The following SRP54 variants were observed in gnomAD, a reference collection of about 807,000 sequenced individuals.
SRP54 encodes the protein signal recognition particle 54.
A neutral mutation model predicts 64.8 loss-of-function variants in SRP54; 10 were observed. The ratio of observed to expected loss-of-function variants is 0.15; its 90% CI spans 0.10 to 0.26. The LOEUF is 0.26. Among genes scored for constraint, SRP54 ranks in the 10% least tolerant of loss-of-function variants. SRP54 has a pLI of 1.00. For missense variants in SRP54, 325 were observed against 613.7 expected, an observed-to-expected ratio of 0.53 and a Z score of 4.97; for synonymous variants, 193 against 185.6, an observed-to-expected ratio of 1.04 and a Z score of -0.32.
At chr14:35,025,551 A>G (rs1219380772) in intron 14 of SRP54, among the ~76,000 whole-genome samples, 1 of 152,198 alleles carries the variant, frequency 6.6e-6, no homozygotes, top group Non-Finnish European at 1.5e-5. Flanking sequence ...TTATCTATGC[A>G]TTGATCCCTC....
At chr14:35,004,343 G>A (rs927574969) in intron 4 of SRP54, among the ~76,000 whole-genome samples, 2 of 152,184 alleles carry the variant, frequency 1.3e-5, no homozygotes, top group African/African-American at 4.8e-5. Context: ...GGTCAGTATT[G>A]ATATTAATGA....
At chr14:35,017,199 C>T (rs2044457974) in intron 11 of SRP54, among the ~76,000 whole-genome samples, 1 of 152,170 alleles carries the variant, frequency 6.6e-6, no homozygotes, top group Admixed American at 6.5e-5. Flanking sequence ...ACTGTTTCTG[C>T]TACCACTATG....
Position 34,993,604 on chromosome 14 carries a change from T to C in SRP54, c.-33-3073T>C, listed in dbSNP as rs543961420. 3.0e-3 allele frequency among the ~76,000 whole-genome samples: 458 copies of C among 152,292 alleles called. 3 individuals are homozygous for C. Among genetic ancestry groups the C allele is most frequent in the African/African-American group, 0.011 (442 of 41,562 alleles). ...GGTCCTCAAATGCATTTTCCCTTCC[T>C]GCCTTTTTATGATTCCTCTCACCTC... is the stretch of plus-strand genomic sequence containing the variant. On this transcript the variant is annotated intron_variant, in intron 1 of 15. Coordinates refer to ENST00000216774, the MANE Select transcript of SRP54 (RefSeq NM_003136.4).
chr14:34,999,986 T>C (rs187517473), intron 3 of SRP54: 45 of 161,160 alleles, frequency 2.8e-4, no homozygotes, highest in Admixed American at 7.5e-4. Context: ...ACTGCCATTT[T>C]ATTCTTTTTA....
chr14:35,020,185 A>T (rs1175924800), intron 13 of SRP54, among the ~76,000 whole-genome samples: 1 of 119,308 alleles, frequency 8.4e-6, no homozygotes, highest in African/African-American at 2.8e-5. Flanking sequence ...ACTCTGTCTC[A>T]AAAGAAAAAA....
At chr14:34,995,565 CTTGT>C (rs970435627) in intron 1 of SRP54, among the ~76,000 whole-genome samples, 38 of 152,178 alleles carry the variant, frequency 2.5e-4, no homozygotes, top group African/African-American at 8.7e-4. Flanking sequence ...ATCATATTTG[CTTGT>C]TTATCATCCA....
At chr14:35,015,325 C>G (rs185379271) in intron 11 of SRP54, among the ~76,000 whole-genome samples, 105 of 152,322 alleles carry the variant, frequency 6.9e-4, no homozygotes, top group African/African-American at 2.5e-3. Flanking sequence ...ATCCACCCAC[C>G]TCAGCCTCCC....
At chr14:34,986,827 C>T (rs1005418703) in intron 1 of SRP54, among the ~76,000 whole-genome samples, 143 of 151,012 alleles carry the variant, frequency 9.5e-4, no homozygotes, top group African/African-American at 3.1e-3. Context: ...TGCAGTGAGC[C>T]GAGATTGTGC....
At chr14:34,987,748 A>G (rs1354233183) in intron 1 of SRP54, among the ~76,000 whole-genome samples, 1 of 152,174 alleles carries the variant, frequency 6.6e-6, no homozygotes, top group African/African-American at 2.4e-5. Flanking sequence ...CCATTCATGT[A>G]CAAGTATTTG....
intron 15 of SRP54, among the ~76,000 whole-genome samples, chr14:35,028,493 C>G (rs2044670473): frequency 6.6e-6 from 1 of 152,092 alleles, no homozygotes; most frequent in African/African-American, 2.4e-5. Context: ...GATTTTTAAC[C>G]TGAGTTCTAC....
chr14:35,020,109 C>T (rs911278933), intron 13 of SRP54, among the ~76,000 whole-genome samples: 3 of 152,092 alleles, frequency 2.0e-5, no homozygotes, highest in South Asian at 2.1e-4. Flanking sequence ...CGCTTGAACC[C>T]GGGAGGCGGA....
At position 35,007,928 on chromosome 14, in the gene SRP54, G is replaced by C. The variant is rs191734435; in HGVS notation, c.360+541G>C. 3.1e-3 allele frequency among the ~76,000 whole-genome samples: 459 copies of C among 147,858 alleles called. 3 individuals are homozygous for C. Among genetic ancestry groups the C allele is most frequent in the African/African-American group, 0.011 (443 of 40,360 alleles). ...CATAGTTTCTTATGATTTTTTTTTT[G>C]TAAGAAGGTAGACATCTGTAACTAT... On this transcript the variant is annotated intron_variant, in intron 5 of 15. Transcript: ENST00000216774.
intron 14 of SRP54, among the ~76,000 whole-genome samples, chr14:35,023,982 G>GT (rs2044578449): frequency 6.6e-6 from 1 of 152,020 alleles, no homozygotes; most frequent in African/African-American, 2.4e-5. Flanking sequence ...CAGAAACATA[G>GT]TAGAAGCTAA....
In SRP54 at chr14:35,001,027, G is replaced by A. The variant is rs1343832625; in HGVS notation, c.255+7G>A. 15 of 1,500,914 alleles carry A rather than the reference G, an allele frequency of 1.0e-5. No individual in the cohort carries two copies. Among genetic ancestry groups the A allele is most frequent in the Middle Eastern group, 1.7e-4 (1 of 5,784 alleles). 93.0% of individuals were successfully genotyped at this position (1,500,914 alleles called of 1,614,324 possible). On this transcript the variant is annotated splice_region_variant and intron_variant, in intron 4 of 15. Transcript: ENST00000216774. ...ATTTAAAGAACTTGTGAAGGTAAAA[G>A]TATATGAAGATTATGCTGTGATTCT...
intron 1 of SRP54, among the ~76,000 whole-genome samples, chr14:34,991,990 G>A (rs1237362442): frequency 1.3e-5 from 2 of 152,210 alleles, no homozygotes; most frequent in African/African-American, 4.8e-5. Context: ...CTGGAGTGCA[G>A]TGGCACCATC....
intron 4 of SRP54, among the ~76,000 whole-genome samples, chr14:35,005,962 T>C (rs8006578): frequency 0.37 from 55,920 of 151,796 alleles, 10,909 homozygotes; most frequent in East Asian, 0.69. Context: ...GCCTCAGCCT[T>C]CAGAGTAGCT....
chr14:35,028,020 T>C (rs1384332105), intron 14 of SRP54, 68 bp from the exon 15 acceptor site: 1 of 990,822 alleles, frequency 1.0e-6, no homozygotes, highest in East Asian at 2.5e-5. Context: ...AACTTTCTAT[T>C]ATACCCTGAT....
intron 7 of SRP54, among the ~76,000 whole-genome samples, chr14:35,010,425 A>G (rs941664536): frequency 6.6e-6 from 1 of 152,182 alleles, no homozygotes; most frequent in Non-Finnish European, 1.5e-5. Context: ...CACCATGGGC[A>G]ACAAGAGCAA....
chr14:35,014,654 C>A (rs2044409449), intron 10 of SRP54, 90 bp from the exon 11 acceptor site: 1 of 987,226 alleles, frequency 1.0e-6, no homozygotes, highest in Admixed American at 2.0e-5. Flanking sequence ...ATTATAACCT[C>A]ACAAGGTTAT....
Sources: allele counts gnomAD v4.1 joint callset (sites outside exome capture counted in the v4.1 genomes callset), GRCh38; gene constraint gnomAD v4.1.1; transcripts MANE v1.5; gene names NCBI Gene and HGNC (gene_info 2026-07-23, HGNC 2026-07-21).